RYR3: variants seen among roughly 807,000 people sequenced by gnomAD.
RYR3 encodes brain ryanodine receptor-calcium release channel.
A neutral mutation model predicts 584.3 loss-of-function variants in RYR3; 207 were observed. That is an observed-to-expected ratio of 0.35 (90% confidence interval 0.32 to 0.40). The LOEUF (loss-of-function observed/expected upper bound fraction) is 0.40, where lower values mean the gene tolerates loss of function less well. RYR3 is among the 10% of genes least tolerant of loss of function. The probability of loss-of-function intolerance (pLI) is 1.00; values close to 1 mark genes in which losing one functional copy is unlikely to be tolerated. For missense variants in RYR3, 5,616 were observed against 6,089.2 expected, an observed-to-expected ratio of 0.92 and a Z score of 2.59; for synonymous variants, 2,416 against 2,248.5, an observed-to-expected ratio of 1.07 and a Z score of -2.11.
chr15:33,553,391 T>C (rs1022899578), intron 10 of RYR3, among the ~76,000 whole-genome samples: 3 of 152,136 alleles, frequency 2.0e-5, no homozygotes, highest in East Asian at 3.9e-4. Flanking sequence ...TGCAGGTGCG[T>C]GCTAACATCC....
chr15:33,431,163 C>T (rs892030620), intron 1 of RYR3, among the ~76,000 whole-genome samples: 1 of 152,198 alleles, frequency 6.6e-6, no homozygotes, highest in Non-Finnish European at 1.5e-5. Flanking sequence ...TCCAGCACTT[C>T]TTCAGTATAA....
intron 68 of RYR3, among the ~76,000 whole-genome samples, chr15:33,801,067 T>G (rs1226487114): frequency 6.6e-6 from 1 of 152,198 alleles, no homozygotes; most frequent in East Asian, 1.9e-4. Context: ...TACACTTCAG[T>G]GGGACAGAAG....
In RYR3 at chr15:33,556,028, A is replaced by G. The variant is rs546671603; in HGVS notation, c.972+5712A>G. ...AAAGGTGATTCCTCAAGGTTTCTCC[A>G]GAGACACGTGGAAATAGTGGGCTAA... On this transcript the variant is annotated intron_variant, in intron 10 of 103. Transcript: ENST00000634891. Among the ~76,000 whole-genome samples the G allele has an allele frequency of 1.2e-4, 6 of 50,180 alleles. No homozygotes were observed. In the South Asian group the frequency reaches 2.6e-3, roughly 22 times the overall value. The allele number at this position is 50,180 out of a possible 152,430, so 32.9% of individuals were successfully genotyped here. A position where few individuals can be genotyped will look rare whatever the true frequency, so the allele number is the denominator to read the frequency against.
intron 87 of RYR3, among the ~76,000 whole-genome samples, chr15:33,836,306 G>A (rs1166598097): frequency 6.6e-6 from 1 of 151,918 alleles, no homozygotes; most frequent in Non-Finnish European, 1.5e-5. Flanking sequence ...GTGACATAGG[G>A]TATAAGGCAC....
chr15:33,636,663 T>C (rs1566838648), intron 27 of RYR3, 113 bp downstream of exon 27: 1 of 938,154 alleles, frequency 1.1e-6, no homozygotes, highest in Non-Finnish European at 1.6e-6. Flanking sequence ...CTTTGCATAT[T>C]TGAAAACCCT....
chr15:33,754,136 T>C (rs2071587203), intron 57 of RYR3, among the ~76,000 whole-genome samples: 3 of 152,034 alleles, frequency 2.0e-5, no homozygotes, highest in Admixed American at 2.0e-4. Context: ...AGAGTGAGAC[T>C]CCATCTCAAA....
intron 23 of RYR3, among the ~76,000 whole-genome samples, chr15:33,631,709 G>T (rs887954940): frequency 7.7e-4 from 117 of 152,156 alleles, no homozygotes; most frequent in Non-Finnish European, 4.3e-4. Context: ...TCCTATATCT[G>T]CCTGTGTCCT....
chr15:33,811,118 C>G (rs766904320), intron 72 of RYR3, 81 bp downstream of exon 72: 201 of 1,167,306 alleles, frequency 1.7e-4, no homozygotes, highest in Non-Finnish European at 2.4e-4. Context: ...TTCATTTACT[C>G]ATGCTTCTTA....
chr15:33,422,771 C>A (rs541402829), intron 1 of RYR3, among the ~76,000 whole-genome samples: 10 of 152,224 alleles, frequency 6.6e-5, no homozygotes, highest in Admixed American at 3.3e-4. Context: ...GGAACCAGAT[C>A]AGCAGAGGCC....
chr15:33,612,548 C>T (rs28631065), intron 18 of RYR3, among the ~76,000 whole-genome samples: 3,029 of 152,138 alleles, frequency 0.02, 99 homozygotes, highest in African/African-American at 0.069. Flanking sequence ...TTAGTAGAGA[C>T]GGGGTTTCTC....
intron 94 of RYR3, 96 bp from the exon 95 acceptor site, chr15:33,852,949 A>G (rs2079257847): frequency 9.4e-7 from 1 of 1,058,426 alleles, no homozygotes; most frequent in East Asian, 2.6e-5. Context: ...CAAACCAGAA[A>G]GATCCCAGAT....
chr15:33,659,823 T>A lies in RYR3; in HGVS notation c.4395+17T>A. 6.6e-7 allele frequency: 1 copy of A among 1,518,314 alleles called. No individual in the cohort carries two copies. Among genetic ancestry groups the A allele is most frequent in the Non-Finnish European group, 9.1e-7 (1 of 1,094,034 alleles). The allele number at this position is 1,518,314 out of a possible 1,614,324, so 94.1% of individuals were successfully genotyped here. On this transcript the variant is annotated intron_variant, in intron 33 of 103. Transcript: ENST00000634891. ...AAGCTGAAGGTATTTATTTGTCCTC[T>A]CATCTAATGGCCATGACAAGAGAAA...
rs143824345 is a variant in RYR3, at chr15:33,717,607, C to T, written c.6620-5108C>T. Among the ~76,000 whole-genome samples, 866 of 152,196 alleles carry T rather than the reference C, an allele frequency of 5.7e-3. 8 individuals carry two copies. The highest frequency in any genetic ancestry group is 0.019 in the African/African-American group (799 of 41,532). On this transcript the variant is annotated intron_variant, in intron 43 of 103. Coordinates refer to ENST00000634891, the MANE Select transcript of RYR3 (RefSeq NM_001036.6). ...AAGTTGTGTAGGAGGAACTGAATTC[C>T]CTCCTTCTACTCTCTTATATTGGCC...
At chr15:33,729,458 A>G (rs902360355) in intron 47 of RYR3, among the ~76,000 whole-genome samples, 1 of 152,138 alleles carries the variant, frequency 6.6e-6, no homozygotes, top group African/African-American at 2.4e-5. Context: ...CCTTTGAAAA[A>G]GGCTGGCTGG....
At chr15:33,702,829 A>G (rs1410302118) in intron 42 of RYR3, among the ~76,000 whole-genome samples, 1 of 152,198 alleles carries the variant, frequency 6.6e-6, no homozygotes, top group Non-Finnish European at 1.5e-5. Context: ...GAAGAGGAGC[A>G]GCCAAAAGGA....
chr15:33,377,640 C>G (rs1158078738), intron 1 of RYR3, among the ~76,000 whole-genome samples: 1 of 152,216 alleles, frequency 6.6e-6, no homozygotes, highest in Non-Finnish European at 1.5e-5. Context: ...TCAAATCCAT[C>G]TCTGCCACTT....
intron 63 of RYR3, 40 bp from the exon 64 acceptor site, chr15:33,773,494 A>T: frequency 7.0e-7 from 1 of 1,423,696 alleles, no homozygotes; most frequent in Non-Finnish European, 9.8e-7. Flanking sequence ...TTCTGTATTC[A>T]GGATTGATGC....
intron 1 of RYR3, chr15:33,467,385 C>A: frequency 1.8e-6 from 1 of 554,878 alleles, no homozygotes; most frequent in Non-Finnish European, 2.3e-6. Context: ...GAGTTCCTCA[C>A]AGGTGACCCG....
intron 1 of RYR3, among the ~76,000 whole-genome samples, chr15:33,355,168 G>C (rs1305098869): frequency 7.4e-6 from 1 of 135,832 alleles, no homozygotes; most frequent in African/African-American, 2.9e-5. Flanking sequence ...TGAGGGACAA[G>C]AGTGAAACTC....
Sources: allele counts gnomAD v4.1 joint callset (sites outside exome capture counted in the v4.1 genomes callset), GRCh38; gene constraint gnomAD v4.1.1; transcripts MANE v1.5; gene names NCBI Gene and HGNC (gene_info 2026-07-23, HGNC 2026-07-21).